The following ABTB3 variants were observed in gnomAD, a reference collection of about 807,000 sequenced individuals.
The protein encoded by ABTB3 is ankyrin repeat- and BTB/POZ domain-containing protein 3.
chr12:107,511,126 C>T, the ABTB3 span, among the ~76,000 whole-genome samples: 1 of 152,096 alleles, frequency 6.6e-6, no homozygotes, highest in African/African-American at 2.4e-5. Flanking sequence ...TTTGCCATCC[C>T]CGCCTTCCTA....
chr12:107,578,912 C>T, the ABTB3 span, among the ~76,000 whole-genome samples: 7 of 152,304 alleles, frequency 4.6e-5, no homozygotes, highest in African/African-American at 1.4e-4. Context: ...GTGTCATGAG[C>T]AAATATTTAT....
At chr12:107,319,205 C>T in the ABTB3 span, 4 of 1,588,386 alleles carry the variant, frequency 2.5e-6, no homozygotes, top group South Asian at 2.2e-5. Context: ...GCACTGCTCG[C>T]GGCTGCTGCC....
the ABTB3 span, among the ~76,000 whole-genome samples, chr12:107,573,453 G>C: frequency 6.7e-6 from 1 of 149,624 alleles, no homozygotes; most frequent in Non-Finnish European, 1.5e-5. Context: ...TGGGTGGCTG[G>C]GTGGATGAAT....
At chr12:107,379,366 TG>T in the ABTB3 span, among the ~76,000 whole-genome samples, 2 of 152,048 alleles carry the variant, frequency 1.3e-5, no homozygotes, top group Admixed American at 1.3e-4. Context: ...AATTGAATCA[TG>T]GGGGTGGGTT....
At chr12:107,564,912 G>A in the ABTB3 span, among the ~76,000 whole-genome samples, 1 of 152,362 alleles carries the variant, frequency 6.6e-6, no homozygotes. Flanking sequence ...CAAGCCCCAT[G>A]CAGGAGCCAT....
the ABTB3 span, chr12:107,640,297 CT>C: frequency 6.8e-7 from 1 of 1,463,034 alleles, no homozygotes; most frequent in South Asian, 1.3e-5. Flanking sequence ...CTTTTTTTCC[CT>C]TTCCTATTCC....
At chr12:107,543,828 T>A in the ABTB3 span, 1 of 1,032,510 alleles carries the variant, frequency 9.7e-7, no homozygotes, top group Non-Finnish European at 1.4e-6. Flanking sequence ...ACCACTTTAT[T>A]TAAATAAGGG....
At chr12:107,369,565 T>C in the ABTB3 span, among the ~76,000 whole-genome samples, 267 of 151,636 alleles carry the variant, frequency 1.8e-3, no homozygotes, top group Non-Finnish European at 2.0e-3. Flanking sequence ...ACCCAGCTAA[T>C]TTTTTGTATT....
At chr12:107,628,174 C>G in the ABTB3 span, among the ~76,000 whole-genome samples, 45 of 152,260 alleles carry the variant, frequency 3.0e-4, no homozygotes, top group African/African-American at 9.9e-4. Context: ...GACTTTCACT[C>G]TTGTCACTCA....
At chr12:107,512,328 TG>T in the ABTB3 span, among the ~76,000 whole-genome samples, 1 of 152,234 alleles carries the variant, frequency 6.6e-6, no homozygotes, top group African/African-American at 2.4e-5. Flanking sequence ...TATTTACACA[TG>T]GGCTGCAAAT....
chr12:107,394,103 C>T, the ABTB3 span, among the ~76,000 whole-genome samples: 42,456 of 152,132 alleles, frequency 0.28, 6,136 homozygotes, highest in Admixed American at 0.35. Flanking sequence ...AGAATTTCCA[C>T]ATGGATGCTT....
the ABTB3 span, among the ~76,000 whole-genome samples, chr12:107,461,798 A>C: frequency 6.6e-6 from 1 of 152,196 alleles, no homozygotes; most frequent in Non-Finnish European, 1.5e-5. Flanking sequence ...CAGAGAAAGA[A>C]AATAAGCCAG....
At chr12:107,395,956 T>C in the ABTB3 span, among the ~76,000 whole-genome samples, 1 of 152,200 alleles carries the variant, frequency 6.6e-6, no homozygotes, top group African/African-American at 2.4e-5. Context: ...TGTGTGGCCT[T>C]GTCCACAGCA....
the ABTB3 span, among the ~76,000 whole-genome samples, chr12:107,400,336 C>T: frequency 6.6e-6 from 1 of 152,102 alleles, no homozygotes; most frequent in Non-Finnish European, 1.5e-5. Flanking sequence ...ACTCAGGTTG[C>T]CAGGCCTCTC....
At chr12:107,441,654 G>T in the ABTB3 span, among the ~76,000 whole-genome samples, 2 of 151,886 alleles carry the variant, frequency 1.3e-5, no homozygotes, top group African/African-American at 4.8e-5. Context: ...GTTACCTGGG[G>T]GGTCCAGACA....
chr12:107,431,366 T>G, the ABTB3 span, among the ~76,000 whole-genome samples: 155 of 152,276 alleles, frequency 1.0e-3, no homozygotes, highest in East Asian at 9.1e-3. Flanking sequence ...ATCCCAGCAC[T>G]TTGGGAGGCC....
At chr12:107,582,250 C>G in the ABTB3 span, among the ~76,000 whole-genome samples, 3 of 152,114 alleles carry the variant, frequency 2.0e-5, no homozygotes, top group Admixed American at 1.3e-4. Context: ...TACCACATGC[C>G]GAGCACTGTT....
chr12:107,426,584 T>C, the ABTB3 span, among the ~76,000 whole-genome samples: 3 of 152,172 alleles, frequency 2.0e-5, no homozygotes, highest in Non-Finnish European at 2.9e-5. Context: ...CTGGGTCTCT[T>C]GCACATCTTG....
At chr12:107,650,367 A>G in the ABTB3 span, 1 of 152,162 alleles carries the variant, frequency 6.6e-6, no homozygotes, top group African/African-American at 2.4e-5. Flanking sequence ...AGGCCCACTT[A>G]TCCTTTCTTC....
Sources: allele counts gnomAD v4.1 joint callset (sites outside exome capture counted in the v4.1 genomes callset), GRCh38; gene constraint gnomAD v4.1.1; transcripts MANE v1.5; gene names NCBI Gene and HGNC (gene_info 2026-07-23, HGNC 2026-07-21).